Variants in TOP6BL observed in about 807,000 individuals in gnomAD.
The protein encoded by TOP6BL is TOP6B like initiator of meiotic double strand breaks.
the TOP6BL span, among the ~76,000 whole-genome samples, chr11:66,749,982 C>T: frequency 1.1e-3 from 174 of 152,232 alleles, no homozygotes; most frequent in African/African-American, 3.8e-3. Flanking sequence ...ACACATCTCA[C>T]GCCTTTGAGA....
At chr11:66,763,851 A>G in the TOP6BL span, among the ~76,000 whole-genome samples, 2 of 152,126 alleles carry the variant, frequency 1.3e-5, no homozygotes, top group Admixed American at 1.3e-4. Context: ...TCAAGCTCTC[A>G]TGCAACAGCC....
At chr11:66,806,682 T>A in the TOP6BL span, among the ~76,000 whole-genome samples, 2 of 151,984 alleles carry the variant, frequency 1.3e-5, no homozygotes, top group African/African-American at 4.8e-5. Flanking sequence ...ACAGGAGAAT[T>A]ACTTGAACCC....
chr11:66,843,420 A>T, the TOP6BL span: 2 of 1,402,008 alleles, frequency 1.4e-6, no homozygotes, highest in Non-Finnish European at 1.8e-6. Context: ...CCTCCCTGGG[A>T]CTGCGTCACT....
At chr11:66,822,178 C>G in the TOP6BL span, among the ~76,000 whole-genome samples, 1 of 152,166 alleles carries the variant, frequency 6.6e-6, no homozygotes, top group African/African-American at 2.4e-5. Flanking sequence ...TCCATCCATC[C>G]TGTGTACTTT....
chr11:66,791,837 G>T, the TOP6BL span, among the ~76,000 whole-genome samples: 1 of 147,288 alleles, frequency 6.8e-6, no homozygotes, highest in Non-Finnish European at 1.5e-5. Flanking sequence ...TTTTTTTTTG[G>T]GAGGGAGTCT....
the TOP6BL span, among the ~76,000 whole-genome samples, chr11:66,827,966 GAAAAAAAAAAAA>G: frequency 4.3e-4 from 13 of 30,116 alleles, no homozygotes; most frequent in South Asian, 4.7e-3. Flanking sequence ...CTCTGTCTCA[GAAAAAAAAAAAA>G]AAAAAAAAAA....
the TOP6BL span, chr11:66,796,227 T>G: frequency 7.6e-7 from 1 of 1,322,142 alleles, no homozygotes; most frequent in Non-Finnish European, 1.1e-6. Flanking sequence ...TTTAATTCAT[T>G]TGTGCTCTTG....
the TOP6BL span, among the ~76,000 whole-genome samples, chr11:66,824,155 C>A: frequency 6.6e-6 from 1 of 151,970 alleles, no homozygotes; most frequent in African/African-American, 2.4e-5. Context: ...AATCCTAACC[C>A]CCGAACTGAT....
the TOP6BL span, chr11:66,795,986 C>A: frequency 7.6e-6 from 2 of 262,950 alleles, no homozygotes; most frequent in Non-Finnish European, 1.5e-5. Flanking sequence ...TTACCAACTT[C>A]AGTCTGAATT....
At chr11:66,756,456 C>T in the TOP6BL span, 1 of 1,079,564 alleles carries the variant, frequency 9.3e-7, no homozygotes, top group South Asian at 2.0e-5. Flanking sequence ...CCTCAGTCCC[C>T]CGAGTAGCTG....
chr11:66,801,541 A>G, the TOP6BL span, among the ~76,000 whole-genome samples: 1 of 152,204 alleles, frequency 6.6e-6, no homozygotes, highest in Non-Finnish European at 1.5e-5. Context: ...TCAGACTCCA[A>G]GAAAGTAAAT....
chr11:66,756,336 C>G, the TOP6BL span: 3 of 1,203,616 alleles, frequency 2.5e-6, no homozygotes, highest in South Asian at 4.5e-5. Flanking sequence ...CCTTTTCCCC[C>G]CTTTTTTTTT....
At chr11:66,755,848 T>C in the TOP6BL span, among the ~76,000 whole-genome samples, 10 of 152,184 alleles carry the variant, frequency 6.6e-5, no homozygotes, top group African/African-American at 2.4e-4. Context: ...TCACATGGCA[T>C]TCTCCTCTGT....
At chr11:66,788,024 C>A in the TOP6BL span, 2,265 of 570,682 alleles carry the variant, frequency 4.0e-3, 53 homozygotes, top group African/African-American at 0.037. Context: ...CATTTCCAGT[C>A]ATATTTTAAA....
the TOP6BL span, chr11:66,828,220 T>C: frequency 1.4e-6 from 2 of 1,398,128 alleles, no homozygotes; most frequent in South Asian, 2.4e-5. Context: ...TCCCCCTTGG[T>C]TTCCAGTACT....
chr11:66,817,420 CTGGA>C, the TOP6BL span, among the ~76,000 whole-genome samples: 1 of 151,794 alleles, frequency 6.6e-6, no homozygotes, highest in South Asian at 2.1e-4. Context: ...ATCAGAATCA[CTGGA>C]TGATGATGAT....
At chr11:66,745,976 C>T in the TOP6BL span, among the ~76,000 whole-genome samples, 77 of 152,222 alleles carry the variant, frequency 5.1e-4, no homozygotes, top group Non-Finnish European at 7.4e-5. Flanking sequence ...ACACCTGGCT[C>T]ATTTTTGTAT....
the TOP6BL span, among the ~76,000 whole-genome samples, chr11:66,826,640 C>T: frequency 6.6e-6 from 1 of 151,936 alleles, no homozygotes; most frequent in Admixed American, 6.6e-5. Flanking sequence ...TACTAACTAG[C>T]TGTGAGATCT....
chr11:66,834,173 T>G, the TOP6BL span, among the ~76,000 whole-genome samples: 1 of 152,222 alleles, frequency 6.6e-6, no homozygotes, highest in African/African-American at 2.4e-5. Context: ...AGGTCATAGT[T>G]TTCCCATTTT....
Sources: gnomAD v4.1 joint callset for allele counts (sites outside exome capture counted in the v4.1 genomes callset) on GRCh38, gnomAD v4.1.1 for gene constraint, MANE v1.5 for transcripts, NCBI Gene and HGNC (gene_info 2026-07-23, HGNC 2026-07-21) for gene names.